The following SIRT7 variants were observed in gnomAD, a reference collection of about 807,000 sequenced individuals.
SIRT7 encodes NAD-dependent protein deacetylase sirtuin-7.
In SIRT7, 32 loss-of-function variants were observed where a neutral mutation model predicts 42.8. That is an observed-to-expected ratio of 0.75 (90% CI 0.56 to 1.00). The LOEUF (loss-of-function observed/expected upper bound fraction) is 1.00, where lower values mean the gene tolerates loss of function less well. Ranked by LOEUF, SIRT7 falls within the 50% of genes least tolerant of loss-of-function variation. The pLI, the probability that SIRT7 is intolerant of heterozygous loss-of-function variation, is 0.00. For synonymous variants in SIRT7, 297 were observed against 245.2 expected, an observed-to-expected ratio of 1.21 and a Z score of -1.97; for missense variants, 553 against 572.2, an observed-to-expected ratio of 0.97 and a Z score of 0.34.
In SIRT7 at chr17:81,912,151, A is replaced by G; in HGVS notation, c.*265T>C. On this transcript the variant is annotated 3_prime_UTR_variant, in exon 10 of 10. Coordinates refer to ENST00000328666, the MANE Select transcript of SIRT7 (RefSeq NM_016538.3). The stretch of plus-strand genomic sequence containing the variant: ...CCACTCTGCAGGCCGGGGCTGAAAT[A>G]ACCCGAGTTCCGTTCTCACAGAAAG... 1 of 536,162 alleles carries G rather than the reference A, an allele frequency of 1.9e-6. No individual in the cohort carries two copies. The highest frequency in any genetic ancestry group is 1.9e-5 in the African/African-American group (1 of 52,522). The allele number at this position is 536,162 out of a possible 1,614,324, so 33.2% of individuals were successfully genotyped here.
rs908108174 is a variant in SIRT7 at position 81,913,783 on chromosome 17, G to A, written c.995C>T (p.Ala332Val). ...GCAGCGGCTCACTCACCTGCTATAG[G>A]CGGGGATCTCCAAGCCCAGCTCGGC... ...LMAELGLEIP[A>V]YSRWQDPIFS... The change falls in exon 9 of 10, where the codon GCC (alanine) becomes GTC (valine). Residue 332 changes from alanine to valine, a missense_variant. Ala to Val is a moderately conservative substitution (Grantham distance 64, BLOSUM62 0). Coordinates refer to ENST00000328666, the MANE Select transcript of SIRT7 (RefSeq NM_016538.3). The surrounding 1 kb of genome is among the most constrained non-coding windows in gnomAD (Gnocchi z 5.0). The A allele has an allele frequency of 4.5e-6, 7 of 1,548,578 alleles. No individual in the cohort carries two copies. The highest frequency in any genetic ancestry group is 3.9e-5 in the Admixed American group (2 of 51,002).
rs769022601 is a variant in SIRT7 at position 81,917,707 on chromosome 17, G to A, written c.244C>T (p.Pro82Ser). The change falls in exon 3 of 10, where the codon CCG becomes TCG. Residue 82 changes from proline to serine, a missense_variant. Coordinates refer to ENST00000328666, the MANE Select transcript of SIRT7 (RefSeq NM_016538.3). ...CGGACCTTCCCCCGCAGCTCCTCCG[G>A]GTCGTCGCACACCTGCCAAGACGCC... ...KRRQEEVCDD[P>S]EELRGKVREL... 1.3e-6 allele frequency: 2 copies of A among 1,599,780 alleles called. No homozygotes were observed. Among genetic ancestry groups the A allele is most frequent in the Non-Finnish European group, 1.7e-6 (2 of 1,174,512 alleles).
At position 81,915,498 on chromosome 17, in the gene SIRT7, C is replaced by G. The variant is rs1293618680; in HGVS notation, c.422G>C (p.Ser141Thr). ...GTGGGTGAGGGTTGGCTCGGCCTCG[C>G]TCAGGTCGGCAGCACTGCCAGGCAG... ...KGRSVSAADL[S>T]EAEPTLTHMS... The change falls in exon 5 of 10, where the codon AGC becomes ACC. Residue 141 changes from serine (S) to threonine (T), a missense_variant. Physicochemically the swap from Ser to Thr is moderately conservative, Grantham distance 58. Coordinates refer to ENST00000328666, the MANE Select transcript of SIRT7 (RefSeq NM_016538.3). 6 of 1,613,592 alleles carry G rather than the reference C, an allele frequency of 3.7e-6. No individual in the cohort carries two copies. The highest frequency in any genetic ancestry group is 1.7e-5 in the Admixed American group (1 of 59,972).
chr17:81,915,319 G>T, intron 5 of SIRT7, 121 bp downstream of exon 5: 2 of 1,134,334 alleles, frequency 1.8e-6, no homozygotes, highest in Non-Finnish European at 2.6e-6. Context: ...TAACCCGCTT[G>T]GTGGGTGCTC....
chr17:81,915,932 C>T, intron 3 of SIRT7: 1 of 504,332 alleles, frequency 2.0e-6, no homozygotes, highest in Non-Finnish European at 3.6e-6. Flanking sequence ...CGCAGCCCTG[C>T]CTGCCTCCGG....
rs1234507319 is a variant in SIRT7, at chr17:81,913,886, G to A, written c.898-6C>T. On this transcript the variant is annotated splice_polypyrimidine_tract_variant and splice_region_variant and intron_variant, in intron 8 of 9. Coordinates refer to ENST00000328666, the MANE Select transcript of SIRT7 (RefSeq NM_016538.3). This position sits in a 1 kb window ranked among gnomAD's most constrained non-coding sequence, Gnocchi z 5.0. The stretch of plus-strand genomic sequence containing the variant: ...CAGTCATCCTTCGGGGTCCACTGAG[G>A]ACAGGGAAAGCCGAGTGAGAGTAAC... 2 of 1,550,966 alleles carry A rather than the reference G, an allele frequency of 1.3e-6. No homozygotes were observed. Among genetic ancestry groups the A allele is most frequent in the Non-Finnish European group, 1.7e-6 (2 of 1,147,446 alleles).
chr17:81,912,483 G>A lies in SIRT7; in HGVS notation c.1136C>T (p.Ala379Val). The change falls in exon 10 of 10, where the codon GCC (alanine) becomes GTC (valine). Residue 379 changes from alanine to valine, a missense_variant. By Grantham distance (64) the Ala-to-Val change is moderately conservative. Coordinates refer to ENST00000328666, the MANE Select transcript of SIRT7 (RefSeq NM_016538.3). ...GCCAAACCAGCCCCCTAGGATGGGG[G>A]CCGAGCTAAGCGGTGCACCCCGGTC... is the stretch of plus-strand genomic sequence containing the variant. ...PGDRGAPLSS[A>V]PILGGWFGRG... The A allele has an allele frequency of 1.2e-6, 2 of 1,613,992 alleles. No individual in the cohort carries two copies. The highest frequency in any genetic ancestry group is 1.1e-5 in the South Asian group (1 of 91,084).
chr17:81,913,309 G>A lies in SIRT7; in HGVS notation c.1004+465C>T. 4.4e-6 allele frequency: 2 copies of A among 456,168 alleles called. No homozygotes were observed. Among genetic ancestry groups the A allele is most frequent in the Non-Finnish European group, 8.8e-6 (2 of 227,210 alleles). The allele number at this position is 456,168 out of a possible 1,614,324, so 28.3% of individuals were successfully genotyped here. The stretch of plus-strand genomic sequence containing the variant: ...CTATAAGACCCTGAAAATTCACAGA[G>A]AAAGAGAGTGTAAACTTTTTACTCA... On this transcript the variant is annotated intron_variant, in intron 9 of 9. Coordinates refer to ENST00000328666, the MANE Select transcript of SIRT7 (RefSeq NM_016538.3). This position sits in a 1 kb window ranked among gnomAD's most constrained non-coding sequence, Gnocchi z 5.0.
chr17:81,914,323 T>C lies in SIRT7; in HGVS notation c.787A>G (p.Thr263Ala), dbSNP rs1416054849. The change falls in exon 7 of 10, where the codon ACC becomes GCC. Residue 263 changes from threonine (T) to alanine (A), a missense_variant. By Grantham distance (58) the Thr-to-Ala change is moderately conservative. Transcript: ENST00000328666. ...AGGCTGGACCCTAGACACAGGATGGTGTCTGCTCTGCTGGCAGCCTCGGTC... is the reference window on the plus strand; with the variant it reads ...AGGCTGGACCCTAGACACAGGATGGCGTCTGCTCTGCTGGCAGCCTCGGTC... ...AATEAASRAD[T>A]ILCLGSSLKV... 27 of 1,612,908 alleles carry C rather than the reference T, an allele frequency of 1.7e-5. No individual in the cohort carries two copies. The highest frequency in any genetic ancestry group is 2.2e-5 in the Non-Finnish European group (26 of 1,180,016).
In SIRT7 at chr17:81,913,976, G is replaced by C. The variant is rs2040742566; in HGVS notation, c.898-96C>G. 6 of 1,547,642 alleles carry C rather than the reference G, an allele frequency of 3.9e-6. No individual in the cohort carries two copies. Among genetic ancestry groups the C allele is most frequent in the Non-Finnish European group, 3.5e-6 (4 of 1,132,164 alleles). On this transcript the variant is annotated intron_variant, in intron 8 of 9. Transcript: ENST00000328666. The surrounding 1 kb of genome is among the most constrained non-coding windows in gnomAD (Gnocchi z 5.0). ...CCTACGGGCTCAGTCGGTGCTCCCTGAGCACCCACGGGGGCCCTATCAGAC... is the reference window on the plus strand; with the variant it reads ...CCTACGGGCTCAGTCGGTGCTCCCTCAGCACCCACGGGGGCCCTATCAGAC...
Position 81,913,745 on chromosome 17 carries a change from GA to G in SIRT7, c.1004+28del. 3 of 1,521,934 alleles carry G rather than the reference GA, an allele frequency of 2.0e-6. No individual in the cohort carries two copies. The highest frequency in any genetic ancestry group is 2.7e-6 in the Non-Finnish European group (3 of 1,122,700). 94.3% of individuals were successfully genotyped at this position (1,521,934 alleles called of 1,614,324 possible). ...AAGGCCCAGCACACAGAGGTGCGGG[GA>G]AGCAGGCTGCTGCAGCGGCTCACTC... On this transcript the variant is annotated intron_variant, in intron 9 of 9. Coordinates refer to ENST00000328666, the MANE Select transcript of SIRT7 (RefSeq NM_016538.3). The surrounding 1 kb of genome is among the most constrained non-coding windows in gnomAD (Gnocchi z 5.0).
chr17:81,912,540 A>G lies in SIRT7; in HGVS notation c.1079T>C (p.Leu360Pro). 6 of 1,613,768 alleles carry G rather than the reference A, an allele frequency of 3.7e-6. No individual in the cohort carries two copies. The South Asian group carries it at 5.5e-5, about 15-fold the overall frequency. The change falls in exon 10 of 10, where the codon CTG (leucine) becomes CCG (proline). Residue 360 changes from leucine to proline, a missense_variant. Physicochemically the swap from Leu to Pro is moderately conservative, Grantham distance 98 (BLOSUM62 -3). Transcript: ENST00000328666. ...CGGGGCCTCCTCTCTGCTTCTGCAC[A>G]GCGACTTCCGACTGTGGCTGCCTTC... ...GEEGSHSRKS[L>P]CRSREEAPPG...
chr17:81,913,269 A>G lies in SIRT7; in HGVS notation c.1004+505T>C. ...TTTCTTGAACCCTTTGATTAAAAGA[A>G]GTTATTGATTTCCCCTATAAGACCC... On this transcript the variant is annotated intron_variant, in intron 9 of 9. Coordinates refer to ENST00000328666, the MANE Select transcript of SIRT7 (RefSeq NM_016538.3). The surrounding 1 kb of genome is among the most constrained non-coding windows in gnomAD (Gnocchi z 5.0). 1 of 456,160 alleles carries G rather than the reference A, an allele frequency of 2.2e-6. No individual in the cohort carries two copies. The highest frequency in any genetic ancestry group is 4.4e-6 in the Non-Finnish European group (1 of 227,052). 28.3% of individuals were successfully genotyped at this position (456,160 alleles called of 1,614,324 possible).
Position 81,914,711 on chromosome 17 carries a change from C to A in SIRT7, c.481-9G>T. ...GACACCACATGCTGCACCTGGAAGG[C>A]AGAACGGGTGGCAAGGGGAGGGATG... On this transcript the variant is annotated splice_polypyrimidine_tract_variant and intron_variant, in intron 5 of 9. Transcript: ENST00000328666. 6.2e-7 allele frequency: 1 copy of A among 1,610,770 alleles called. No individual in the cohort carries two copies.
rs201790962 is a variant in SIRT7 at position 81,915,400 on chromosome 17, C to G, written c.480+40G>C. On this transcript the variant is annotated intron_variant, in intron 5 of 9. Coordinates refer to ENST00000328666, the MANE Select transcript of SIRT7 (RefSeq NM_016538.3). ...CCCACTGGGCACCAAGGTGCTCTGC[C>G]TGGTCCCTGGCAAGTGTACCAGCCA... The G allele has an allele frequency of 1.2e-5, 19 of 1,595,314 alleles. No homozygotes were observed. The South Asian group carries it at 1.9e-4, about 16-fold the overall frequency.
Position 81,915,933 on chromosome 17 carries a change from C to A in SIRT7, c.337-252G>T, listed in dbSNP as rs532439673. The A allele has an allele frequency of 6.0e-6, 3 of 503,706 alleles. No individual in the cohort carries two copies. The South Asian group carries it at 6.0e-5, about 10-fold the overall frequency. The allele number at this position is 503,706 out of a possible 1,614,324, so 31.2% of individuals were successfully genotyped here. A position where few individuals can be genotyped will look rare whatever the true frequency, so the allele number is the denominator to read the frequency against. ...CCTTCCAGGCTGCACGCAGCCCTGC[C>A]TGCCTCCGGAAGCCTCTCTGGCACC... On this transcript the variant is annotated intron_variant, in intron 3 of 9. Transcript: ENST00000328666.
intron 3 of SIRT7, chr17:81,916,999 A>T (rs1230137574): frequency 1.3e-5 from 2 of 152,238 alleles, no homozygotes; most frequent in Non-Finnish European, 2.9e-5. Context: ...AAGAGCGCAG[A>T]GTGTGTGTCT....
chr17:81,916,460 CT>C (rs540846820), intron 3 of SIRT7: 2,578 of 110,704 alleles, frequency 0.023, 8 homozygotes, highest in Non-Finnish European at 0.03. Flanking sequence ...CATGACTGGA[CT>C]TTTTTTTTTT....
chr17:81,915,506 G>A lies in SIRT7; in HGVS notation c.414C>T (p.Ala138=), dbSNP rs146448282. The A allele has an allele frequency of 2.5e-4, 407 of 1,613,608 alleles. 2 individuals carry two copies. The African/African-American group carries it at 4.3e-3, about 17-fold the overall frequency. ...LLQKGRSVSA[A]DLSEAEPTLT... is the part of the protein sequence containing the mutation. ...GGGTTGGCTCGGCCTCGCTCAGGTC[G>A]GCAGCACTGCCAGGCAGAAAGGAAG... Residue 138 remains alanine, a synonymous_variant, in exon 5 of 10, where the codon GCC becomes GCT. Transcript: ENST00000328666.
Sources: allele counts gnomAD v4.1 joint callset, GRCh38; gene constraint gnomAD v4.1.1; non-coding constraint Gnocchi (gnomAD v3.1); transcripts MANE v1.5; gene names NCBI Gene and HGNC (gene_info 2026-07-23, HGNC 2026-07-21).